USP20: variants seen among roughly 807,000 people sequenced by gnomAD.
The protein encoded by USP20 is ubiquitin carboxyl-terminal hydrolase 20.
Under a neutral mutation model 124.2 loss-of-function variants are expected in USP20, and 80 were observed. The ratio of observed to expected loss-of-function variants is 0.64; its 90% CI spans 0.54 to 0.78. The LOEUF is 0.78. Ranked by LOEUF, USP20 falls within the 30% of genes least tolerant of loss-of-function variation. The pLI, the probability that USP20 is intolerant of heterozygous loss-of-function variation, is 0.00. For synonymous variants in USP20, 481 were observed against 512.3 expected, an observed-to-expected ratio of 0.94 and a Z score of 0.83; for missense variants, 1,043 against 1,244.4, an observed-to-expected ratio of 0.84 and a Z score of 2.44.
At chr9:129,873,642 T>G in intron 16 of USP20, 57 bp from the exon 17 acceptor site, 1 of 1,613,760 alleles carries the variant, frequency 6.2e-7, no homozygotes, top group South Asian at 1.1e-5. Context: ...GAGGGCTGCT[T>G]CCCTGGCCCC....
At position 129,865,313 on chromosome 9, in the gene USP20, G is replaced by A. The variant is rs1288764914; in HGVS notation, c.622G>A (p.Val208Met). 1.1e-5 allele frequency: 18 copies of A among 1,614,132 alleles called. No homozygotes were observed. Among genetic ancestry groups the A allele is most frequent in the Admixed American group, 1.7e-5 (1 of 60,020 alleles). The change falls in exon 10 of 26, where the codon GTG becomes ATG. Residue 208 changes from valine to methionine, a missense_variant. Transcript: ENST00000372429. Reference protein sequence around the residue: ...EVWHKKRPSYVVPTSLSHGIK... With the variant: ...EVWHKKRPSYMVPTSLSHGIK... Reference sequence around the variant, plus strand: ...TTGGGCTTCCTACAGGCCAAGCTACGTGGTCCCCACCAGTCTGTCTCATGG... The same window carrying A: ...TTGGGCTTCCTACAGGCCAAGCTACATGGTCCCCACCAGTCTGTCTCATGG...
At chr9:129,844,780 G>T (rs1298772981) in intron 1 of USP20, among the ~76,000 whole-genome samples, 2 of 151,622 alleles carry the variant, frequency 1.3e-5, no homozygotes, top group East Asian at 3.9e-4. Context: ...TTCTATGAAG[G>T]TATATATCAA....
At position 129,868,140 on chromosome 9, in the gene USP20, C is replaced by A. The variant is rs368889264; in HGVS notation, c.826C>A (p.Arg276=). ...SDTDEKREGD[R]SPSEDEFLSC... ...CACGGATGAGAAACGGGAGGGTGAC[C>A]GGAGCCCATCAGAAGATGAGTTCTT... is the stretch of plus-strand genomic sequence containing the variant. The change falls in exon 11 of 26, where the codon CGG becomes AGG. Residue 276 remains arginine (R), a synonymous_variant. Transcript: ENST00000372429. The A allele has an allele frequency of 1.2e-6, 2 of 1,613,964 alleles. No individual in the cohort carries two copies. Among genetic ancestry groups the A allele is most frequent in the African/African-American group, 2.7e-5 (2 of 74,910 alleles).
Position 129,868,353 on chromosome 9 carries a change from G to T in USP20, c.1039G>T (p.Asp347Tyr). The T allele has an allele frequency of 6.2e-7, 1 of 1,610,600 alleles. No homozygotes were observed. The highest frequency in any genetic ancestry group is 1.1e-5 in the South Asian group (1 of 90,896). The stretch of plus-strand genomic sequence containing the variant: ...TACAAACTCGGAGCAAGTGGACGAG[G>T]ACGCTGATGTGGACACTGCCATGGC... ...QRTNSEQVDEDADVDTAMAAL... is the reference protein window; with the variant it reads ...QRTNSEQVDEYADVDTAMAAL... The change falls in exon 11 of 26, where the codon GAC (aspartate) becomes TAC (tyrosine). Residue 347 changes from aspartate to tyrosine, a missense_variant. Coordinates refer to ENST00000372429, the MANE Select transcript of USP20 (RefSeq NM_001110303.4).
chr9:129,846,631 T>TC (rs2131040388), intron 1 of USP20, among the ~76,000 whole-genome samples: 1 of 151,610 alleles, frequency 6.6e-6, no homozygotes, highest in East Asian at 1.9e-4. Context: ...TCTTTTTTTT[T>TC]TTTTTTTTTA....
intron 15 of USP20, among the ~76,000 whole-genome samples, chr9:129,870,931 G>T (rs1203251674): frequency 1.3e-5 from 2 of 150,968 alleles, no homozygotes; most frequent in Non-Finnish European, 2.9e-5. Context: ...TTTCTCCGTT[G>T]GCTATTTGGC....
intron 11 of USP20, 47 bp downstream of exon 11, chr9:129,868,496 A>G (rs1588277093): frequency 6.4e-7 from 1 of 1,569,252 alleles, no homozygotes; most frequent in Non-Finnish European, 8.6e-7. Flanking sequence ...CCTATGGCCC[A>G]GTACCTACCG....
At chr9:129,854,090 T>G (rs2033087993) in intron 3 of USP20, among the ~76,000 whole-genome samples, 3 of 152,244 alleles carry the variant, frequency 2.0e-5, no homozygotes, top group Admixed American at 2.0e-4. Flanking sequence ...ACTCTCATTC[T>G]TATGGATATT....
At position 129,875,436 on chromosome 9, in the gene USP20, G is replaced by A; in HGVS notation, c.2175G>A (p.Glu725=). 1 of 1,613,676 alleles carries A rather than the reference G, an allele frequency of 6.2e-7. No homozygotes were observed. Among genetic ancestry groups the A allele is most frequent in the Non-Finnish European group, 8.5e-7 (1 of 1,179,922 alleles). Residue 725 remains glutamate, a synonymous_variant, in exon 20 of 26, where the codon GAG becomes GAA. Transcript: ENST00000372429. ...EWLNKFNTFA[E]PGPITNQTFL... The stretch of plus-strand genomic sequence containing the variant: ...TCAACAAGTTCAACACCTTCGCGGA[G>A]CCAGGCCCCATCACCAACCAGACCT...
rs761504743 is a variant in USP20, at chr9:129,873,670, A to C, written c.1695-29A>C. ...CTGGCCCCTGGCCCTGATGCCGGAC[A>C]CTGATGCTGGCTCGTGCTTCCTCCC... is the stretch of plus-strand genomic sequence containing the variant. On this transcript the variant is annotated intron_variant, in intron 16 of 25. Coordinates refer to ENST00000372429, the MANE Select transcript of USP20 (RefSeq NM_001110303.4). The C allele has an allele frequency of 2.5e-6, 4 of 1,613,710 alleles. No individual in the cohort carries two copies. The East Asian group carries it at 8.9e-5, about 36-fold the overall frequency.
chr9:129,862,269 C>T (rs1275484816), intron 8 of USP20, among the ~76,000 whole-genome samples: 1 of 152,092 alleles, frequency 6.6e-6, no homozygotes, highest in Admixed American at 6.6e-5. Context: ...TTGACCACAC[C>T]CAGGCTGGGC....
chr9:129,876,648 AAAAAAAG>A (rs1410901511), intron 22 of USP20, among the ~76,000 whole-genome samples: 1 of 151,162 alleles, frequency 6.6e-6, no homozygotes, highest in African/African-American at 2.5e-5. Flanking sequence ...CAAAAAAAAA[AAAAAAAG>A]AAAAAGAAAA....
chr9:129,866,226 C>CT (rs2033814677), intron 10 of USP20, among the ~76,000 whole-genome samples: 1 of 34,890 alleles, frequency 2.9e-5, no homozygotes, highest in African/African-American at 5.9e-5. Flanking sequence ...AACTTCCGCC[C>CT]TCTACCCCCT....
intron 6 of USP20, among the ~76,000 whole-genome samples, chr9:129,858,959 G>T (rs1321618384): frequency 6.6e-6 from 1 of 152,118 alleles, no homozygotes; most frequent in African/African-American, 2.4e-5. Flanking sequence ...GGTCACAGAT[G>T]GCCCTCTGGC....
At chr9:129,878,139 A>G (rs1165064012) in intron 22 of USP20, among the ~76,000 whole-genome samples, 199 bp from the exon 23 acceptor site, 1 of 152,160 alleles carries the variant, frequency 6.6e-6, no homozygotes, top group African/African-American at 2.4e-5. Flanking sequence ...ACAAAATGTT[A>G]CCACCGTCCT....
At position 129,841,812 on chromosome 9, in the gene USP20, A is replaced by G. The variant is rs909242174; in HGVS notation, c.-129+6313A>G. Among the ~76,000 whole-genome samples the G allele has an allele frequency of 2.4e-4, 36 of 152,096 alleles. 1 individual carries two copies. The highest frequency in any genetic ancestry group is 2.4e-3 in the Admixed American group (36 of 15,262). On this transcript the variant is annotated intron_variant, in intron 1 of 25. Transcript: ENST00000372429. ...GGTGAGCTTAGATCTCAGGAAGCGC[A>G]CCAAGAATCCGTGCATGAGTCCCCT...
intron 7 of USP20, 31 bp downstream of exon 7, chr9:129,861,064 G>C (rs762646020): frequency 1.1e-5 from 18 of 1,603,128 alleles, no homozygotes; most frequent in Non-Finnish European, 1.5e-5. Context: ...GGAAGCTGAT[G>C]GGCTGGGCTG....
At chr9:129,840,909 T>C (rs1461560762) in intron 1 of USP20, among the ~76,000 whole-genome samples, 9 of 151,962 alleles carry the variant, frequency 5.9e-5, no homozygotes, top group Admixed American at 3.3e-4. Context: ...TAGCTGGGAC[T>C]ACAGGTGCCC....
At chr9:129,858,714 G>A in intron 6 of USP20, 116 bp downstream of exon 6, 1 of 1,423,764 alleles carries the variant, frequency 7.0e-7, no homozygotes, top group Non-Finnish European at 9.5e-7. Context: ...GTCTGTTTCT[G>A]GGTCAGTATG....
Sources: gnomAD v4.1 joint callset for allele counts (sites outside exome capture counted in the v4.1 genomes callset) on GRCh38, gnomAD v4.1.1 for gene constraint, MANE v1.5 for transcripts, NCBI Gene and HGNC (gene_info 2026-07-23, HGNC 2026-07-21) for gene names.